Variants in PARD3 observed in about 807,000 individuals in gnomAD.
PARD3 encodes par-3 family cell polarity regulator, also known as partitioning defective 3 homolog.
Under a neutral mutation model 155.4 loss-of-function variants are expected in PARD3, and 75 were observed. That is an observed-to-expected ratio of 0.48 (90% CI 0.40 to 0.58). The LOEUF (loss-of-function observed/expected upper bound fraction) is 0.58. PARD3 is among the 20% of genes least tolerant of loss of function. PARD3 has a pLI of 0.00. For synonymous variants in PARD3, 576 were observed against 610.5 expected, an observed-to-expected ratio of 0.94 and a Z score of 0.83; for missense variants, 1,642 against 1,721.7, an observed-to-expected ratio of 0.95 and a Z score of 0.82.
chr10:34,616,543 T>C (rs766425351), intron 2 of PARD3, among the ~76,000 whole-genome samples: 1 of 152,122 alleles, frequency 6.6e-6, no homozygotes, highest in Non-Finnish European at 1.5e-5. Flanking sequence ...TTGAATACTA[T>C]TCAGGCAACA....
intron 22 of PARD3, among the ~76,000 whole-genome samples, chr10:34,238,698 T>C (rs1448151070): frequency 1.3e-5 from 2 of 152,200 alleles, no homozygotes; most frequent in African/African-American, 2.4e-5. Context: ...GTGACGGGAA[T>C]AGACACTCAC....
intron 22 of PARD3, among the ~76,000 whole-genome samples, chr10:34,252,470 G>A (rs1186917636): frequency 1.3e-5 from 2 of 152,126 alleles, no homozygotes; most frequent in African/African-American, 4.8e-5. Context: ...ATGGGCAAGC[G>A]CTGGCAGAGT....
At chr10:34,383,720 C>T (rs1416758954) in intron 8 of PARD3, among the ~76,000 whole-genome samples, 2 of 152,026 alleles carry the variant, frequency 1.3e-5, no homozygotes, top group Admixed American at 6.6e-5. Context: ...TATCTGAATA[C>T]AACCCAAGAT....
chr10:34,794,578 C>T (rs544971243), intron 1 of PARD3, among the ~76,000 whole-genome samples: 1 of 152,274 alleles, frequency 6.6e-6, no homozygotes, highest in African/African-American at 2.4e-5. Context: ...CTTGGGGGTA[C>T]TACTGCTTAT....
chr10:34,488,541 G>A (rs2079631437), intron 3 of PARD3: 1 of 152,168 alleles, frequency 6.6e-6, no homozygotes, highest in Admixed American at 6.5e-5. Context: ...CTTTTACTGG[G>A]GGAAGTGGGC....
intron 22 of PARD3, among the ~76,000 whole-genome samples, chr10:34,137,973 G>C (rs941613945): frequency 1.3e-5 from 2 of 152,146 alleles, no homozygotes; most frequent in African/African-American, 4.8e-5. Flanking sequence ...CAGCATTATG[G>C]GGGCTGTACA....
chr10:34,783,591 G>A lies in PARD3; in HGVS notation c.120+31285C>T, dbSNP rs573465371. Reference sequence around the variant, plus strand: ...TGTGCTCCAGCCTGGGCGACAGAACGAGACTCCGTCTTCAAAAAAAAAAAA... The same window carrying A: ...TGTGCTCCAGCCTGGGCGACAGAACAAGACTCCGTCTTCAAAAAAAAAAAA... On this transcript the variant is annotated intron_variant, in intron 1 of 24. Coordinates refer to ENST00000374788, the MANE Select transcript of PARD3 (RefSeq NM_001184785.2). Among the ~76,000 whole-genome samples, 16 of 105,530 alleles carry A rather than the reference G, an allele frequency of 1.5e-4. No homozygotes were observed. In the South Asian group the frequency reaches 3.6e-3, roughly 24 times the overall value. The allele number at this position is 105,530 out of a possible 152,430, so 69.2% of individuals were successfully genotyped here. A position where few individuals can be genotyped will look rare whatever the true frequency, so the allele number is the denominator to read the frequency against.
chr10:34,407,020 C>A (rs1359020412), intron 5 of PARD3, among the ~76,000 whole-genome samples: 1 of 152,102 alleles, frequency 6.6e-6, no homozygotes, highest in Admixed American at 6.5e-5. Context: ...TATGGCAAGT[C>A]AACAGATGTC....
Position 34,186,129 on chromosome 10 carries a change from G to C in PARD3, c.3420-54546C>G, listed in dbSNP as rs1318515333. Among the ~76,000 whole-genome samples, 3 of 151,754 alleles carry C rather than the reference G, an allele frequency of 2.0e-5. No individual in the cohort carries two copies. The East Asian group carries it at 5.8e-4, about 29-fold the overall frequency. ...TGCAACCCAAACAACGAGCAGGGGG[G>C]AGGCATCACATAGGGGAGGAGATGC... is the stretch of plus-strand genomic sequence containing the variant. On this transcript the variant is annotated intron_variant, in intron 22 of 24. Transcript: ENST00000374788.
chr10:34,677,106 T>C (rs542374896), intron 2 of PARD3, among the ~76,000 whole-genome samples: 2 of 152,330 alleles, frequency 1.3e-5, no homozygotes, highest in African/African-American at 4.8e-5. Flanking sequence ...GTATGTTACA[T>C]ATAAAATAGA....
intron 22 of PARD3, among the ~76,000 whole-genome samples, chr10:34,214,792 A>C (rs1394915016): frequency 6.6e-6 from 1 of 152,214 alleles, no homozygotes; most frequent in Non-Finnish European, 1.5e-5. Context: ...TGACATTTTG[A>C]AGATAATTAA....
chr10:34,167,527 C>T (rs1026571685), intron 22 of PARD3, among the ~76,000 whole-genome samples: 72 of 151,284 alleles, frequency 4.8e-4, no homozygotes, highest in African/African-American at 1.6e-3. Flanking sequence ...CACCCCAAAG[C>T]CCCCAAAACC....
chr10:34,625,883 A>C (rs373777288), intron 2 of PARD3, among the ~76,000 whole-genome samples: 6 of 152,330 alleles, frequency 3.9e-5, no homozygotes, highest in South Asian at 4.1e-4. Flanking sequence ...TGCACTCCAG[A>C]CTGAGCAATA....
At chr10:34,500,068 T>C (rs1718093878) in intron 3 of PARD3, among the ~76,000 whole-genome samples, 1 of 152,228 alleles carries the variant, frequency 6.6e-6, no homozygotes, top group Non-Finnish European at 1.5e-5. Context: ...GCTGAAGCCA[T>C]GGATGTAGAA....
chr10:34,762,497 T>TG (rs1241496107), intron 1 of PARD3, among the ~76,000 whole-genome samples: 3 of 129,582 alleles, frequency 2.3e-5, no homozygotes, highest in South Asian at 2.6e-4. Context: ...TTTGTAGAGA[T>TG]GGGGTCCCAC....
chr10:34,686,817 G>A (rs989501386), intron 2 of PARD3, among the ~76,000 whole-genome samples: 1 of 152,084 alleles, frequency 6.6e-6, no homozygotes, highest in African/African-American at 2.4e-5. Flanking sequence ...GGGAGGCTGA[G>A]GAGGGTGGAT....
At chr10:34,644,438 T>C (rs1564454349) in intron 2 of PARD3, among the ~76,000 whole-genome samples, 1 of 152,226 alleles carries the variant, frequency 6.6e-6, no homozygotes, top group East Asian at 1.9e-4. Flanking sequence ...AGGCTTATTC[T>C]CTGGTGCCAC....
At chr10:34,302,012 G>A (rs535717934) in intron 20 of PARD3, among the ~76,000 whole-genome samples, 4 of 151,744 alleles carry the variant, frequency 2.6e-5, no homozygotes, top group Non-Finnish European at 4.4e-5. Context: ...GTGGTTAGAG[G>A]AATCTTTTAA....
intron 23 of PARD3, among the ~76,000 whole-genome samples, chr10:34,130,742 T>C (rs1947561877): frequency 6.6e-6 from 1 of 151,940 alleles, no homozygotes; most frequent in Non-Finnish European, 1.5e-5. Context: ...CAAACACACA[T>C]GGGGGGTGCA....
Sources: allele counts gnomAD v4.1 joint callset (sites outside exome capture counted in the v4.1 genomes callset), GRCh38; gene constraint gnomAD v4.1.1; transcripts MANE v1.5; gene names NCBI Gene and HGNC (gene_info 2026-07-23, HGNC 2026-07-21).